RAB44: variants seen among roughly 807,000 people sequenced by gnomAD.
RAB44 encodes the protein ras-related protein Rab-44.
A neutral mutation model predicts 93.3 loss-of-function variants in RAB44; 67 were observed. The ratio of observed to expected loss-of-function variants is 0.72; its 90% confidence interval spans 0.59 to 0.88. The LOEUF is 0.88. Among genes scored for constraint, RAB44 ranks in the 40% least tolerant of loss-of-function variants. The pLI is 0.00. For missense variants in RAB44, 1,064 were observed against 1,261.7 expected, an observed-to-expected ratio of 0.84 and a Z score of 2.37; for synonymous variants, 427 against 520.3, an observed-to-expected ratio of 0.82 and a Z score of 2.44.
intron 12 of RAB44, 104 bp downstream of exon 12, chr6:36,728,905 C>A: frequency 1.1e-6 from 1 of 936,980 alleles, no homozygotes. Context: ...GAGAAGAACC[C>A]GTGGCCCATT....
intron 9 of RAB44, among the ~76,000 whole-genome samples, chr6:36,723,034 C>T (rs1763138025): frequency 6.6e-6 from 1 of 152,268 alleles, no homozygotes; most frequent in African/African-American, 2.4e-5. Context: ...CAAGTATCCA[C>T]TCATGTGGCC....
At chr6:36,712,336 A>G (rs1459014718) in intron 2 of RAB44, among the ~76,000 whole-genome samples, 2 of 152,150 alleles carry the variant, frequency 1.3e-5, no homozygotes, top group Non-Finnish European at 2.9e-5. Context: ...GATCTCAAAG[A>G]GCTGTTCTCC....
In RAB44 at chr6:36,731,770, C is replaced by T. The variant is rs775842027; in HGVS notation, c.2976-233C>T. The stretch of plus-strand genomic sequence containing the variant: ...CACTACTCAAGGGAGGGAATGGTGG[C>T]TTCTTTGTCATAGTCAGAGTCCTGC... On this transcript the variant is annotated intron_variant, in intron 13 of 13. Transcript: ENST00000612677. The surrounding 1 kb of genome is among the most constrained non-coding windows in gnomAD (Gnocchi z 4.0). 6.6e-6 allele frequency among the ~76,000 whole-genome samples: 1 copy of T among 152,202 alleles called. No individual in the cohort carries two copies. Among genetic ancestry groups the T allele is most frequent in the Non-Finnish European group, 1.5e-5 (1 of 68,038 alleles).
intron 8 of RAB44, among the ~76,000 whole-genome samples, chr6:36,720,901 G>A (rs1763058437): frequency 6.6e-6 from 1 of 152,228 alleles, no homozygotes; most frequent in East Asian, 1.9e-4. Context: ...TCAGAGAAGT[G>A]GGATGGGCCA....
At chr6:36,713,983 T>C in intron 3 of RAB44, 44 bp downstream of exon 3, 2 of 1,263,514 alleles carry the variant, frequency 1.6e-6, no homozygotes, top group Middle Eastern at 1.8e-4. Context: ...AGGTGTTCCG[T>C]GCAGTGTGCC....
rs959495747 is a variant in RAB44, at chr6:36,727,662, C to T, written c.2767C>T (p.His923Tyr). The change falls in exon 11 of 14, where the codon CAC (histidine) becomes TAC (tyrosine). Residue 923 changes from histidine (H) to tyrosine (Y), a missense_variant. Physicochemically the swap from His to Tyr is moderately conservative, Grantham distance 83. Transcript: ENST00000612677. ...CATCACCTCCCAGGAGAGCTTTGCC[C>T]ACGTGCGCTACTGGCTAGACTGTCT... ...YDITSQESFAHVRYWLDCLQD... is the reference protein window; with the variant it reads ...YDITSQESFAYVRYWLDCLQD... 1.9e-6 allele frequency: 3 copies of T among 1,550,506 alleles called. No individual in the cohort carries two copies. Among genetic ancestry groups the T allele is most frequent in the Admixed American group, 3.9e-5 (2 of 51,008 alleles).
At chr6:36,709,098 C>T (rs923385169) in intron 2 of RAB44, among the ~76,000 whole-genome samples, 4 of 152,066 alleles carry the variant, frequency 2.6e-5, no homozygotes, top group African/African-American at 9.7e-5. Flanking sequence ...GCGCCTGCCA[C>T]CACCTCTGGC....
At chr6:36,701,961 G>A (rs554283448) in intron 1 of RAB44, among the ~76,000 whole-genome samples, 7 of 152,282 alleles carry the variant, frequency 4.6e-5, no homozygotes, top group Non-Finnish European at 8.8e-5. Flanking sequence ...GGATTGCAGC[G>A]GGCCTGCTTA....
intron 1 of RAB44, among the ~76,000 whole-genome samples, chr6:36,702,920 T>C (rs115143337): frequency 0.078 from 11,816 of 152,264 alleles, 1,228 homozygotes; most frequent in African/African-American, 0.24. Context: ...ACTTGAGCAC[T>C]TGACATGTGC....
chr6:36,703,894 G>A (rs536513506), intron 1 of RAB44, among the ~76,000 whole-genome samples: 22 of 152,170 alleles, frequency 1.4e-4, no homozygotes, highest in African/African-American at 4.1e-4. Context: ...TAGATTCTGC[G>A]TGCGGTGAAT....
Position 36,722,432 on chromosome 6 carries a change from C to A in RAB44, c.2298C>A (p.Pro766=). 7.0e-7 allele frequency: 1 copy of A among 1,434,520 alleles called. No homozygotes were observed. Among genetic ancestry groups the A allele is most frequent in the Non-Finnish European group, 9.1e-7 (1 of 1,098,158 alleles). 88.9% of individuals were successfully genotyped at this position (1,434,520 alleles called of 1,614,324 possible). ...AGPQEPTQTP[P]TMAEQEAQPR... Reference sequence around the variant, plus strand: ...CCCAGGAACCCACGCAAACCCCTCCCACCATGGCTGAGCAGGAAGCCCAAC... The same window carrying A: ...CCCAGGAACCCACGCAAACCCCTCCAACCATGGCTGAGCAGGAAGCCCAAC... The change falls in exon 9 of 14, where the codon CCC becomes CCA. Residue 766 remains proline (P), a synonymous_variant. Transcript: ENST00000612677.
In RAB44 at chr6:36,722,321, G is replaced by A; in HGVS notation, c.2187G>A (p.Val729=). The A allele has an allele frequency of 7.5e-7, 1 of 1,336,490 alleles. No homozygotes were observed. Among genetic ancestry groups the A allele is most frequent in the Non-Finnish European group, 9.6e-7 (1 of 1,045,408 alleles). 82.8% of individuals were successfully genotyped at this position (1,336,490 alleles called of 1,614,324 possible). Residue 729 remains valine, a synonymous_variant, in exon 9 of 14, where the codon GTG becomes GTA. Coordinates refer to ENST00000612677, the MANE Select transcript of RAB44 (RefSeq NM_001257357.2). ...CATCTGCCACACCACAGGCTCAGGT[G>A]GAAGCAGAAGGCCCCACTCCTGGAA... ...SLPSATPQAQ[V]EAEGPTPGKS...
chr6:36,717,388 G>C lies in RAB44; in HGVS notation c.610G>C (p.Asp204His). The change falls in exon 5 of 14, where the codon GAC becomes CAC. Residue 204 changes from aspartate (D) to histidine (H), a missense_variant. Physicochemically the swap from Asp to His is moderately conservative, Grantham distance 81. Coordinates refer to ENST00000612677, the MANE Select transcript of RAB44 (RefSeq NM_001257357.2). The surrounding 1 kb of genome is among the most constrained non-coding windows in gnomAD (Gnocchi z 4.1). ...CAGCCGCCTGCAGGAGGCCCAGGCG[G>C]ACAAGGAGGCCCTGGAGCTGACCCT... ...MTSRLQEAQA[D>H]KEALELTLRK... The C allele has an allele frequency of 8.1e-7, 1 of 1,232,288 alleles. No homozygotes were observed. The highest frequency in any genetic ancestry group is 1.0e-6 in the Non-Finnish European group (1 of 988,066). The allele number at this position is 1,232,288 out of a possible 1,614,324, so 76.3% of individuals were successfully genotyped here.
chr6:36,703,976 G>A (rs1163755887), intron 1 of RAB44, among the ~76,000 whole-genome samples: 1 of 152,220 alleles, frequency 6.6e-6, no homozygotes, highest in African/African-American at 2.4e-5. Flanking sequence ...AGGGCAGGTG[G>A]GTAGCTTGGA....
chr6:36,697,980 C>A (rs1194057989), intron 1 of RAB44, 65 bp downstream of exon 1: 4 of 152,260 alleles, frequency 2.6e-5, no homozygotes, highest in Admixed American at 2.6e-4. Flanking sequence ...GGGGAGGGAG[C>A]TGGGGTCCCT....
Position 36,721,728 on chromosome 6 carries a change from C to G in RAB44, c.1594C>G (p.Pro532Ala). Residue 532 changes from proline to alanine, a missense_variant, in exon 9 of 14, where the codon CCT (proline) becomes GCT (alanine). Pro to Ala is a conservative substitution (Grantham distance 27, BLOSUM62 -1). Transcript: ENST00000612677. ...GGCCTCAGACCCAGATGACAAGGGCCCTGGGTCTTGGGCTCCTCCCAGCGG... is the reference window on the plus strand; with the variant it reads ...GGCCTCAGACCCAGATGACAAGGGCGCTGGGTCTTGGGCTCCTCCCAGCGG... ...IQASDPDDKG[P>A]GSWAPPSGAQ... 8.1e-7 allele frequency: 1 copy of G among 1,234,410 alleles called. No individual in the cohort carries two copies. Among genetic ancestry groups the G allele is most frequent in the Non-Finnish European group, 1.0e-6 (1 of 988,224 alleles). The allele number at this position is 1,234,410 out of a possible 1,614,324, so 76.5% of individuals were successfully genotyped here. A position where few individuals can be genotyped will look rare whatever the true frequency, so the allele number is the denominator to read the frequency against.
intron 12 of RAB44, among the ~76,000 whole-genome samples, chr6:36,730,145 T>C (rs1763326927): frequency 6.6e-6 from 1 of 152,164 alleles, no homozygotes. Flanking sequence ...ATTGCTGATA[T>C]TTGACTGGAG....
chr6:36,718,049 C>A lies in RAB44; in HGVS notation c.663C>A (p.Arg221=). ...TLRKRDSDHH[R]EVQQLYEEME... is the part of the protein sequence containing the mutation. ...CCAGGCGTGACTCTGACCACCACCG[C>A]GAGGTCCAGCAGCTCTATGAGGAGA... The change falls in exon 6 of 14, where the codon CGC becomes CGA. Residue 221 remains arginine (R), a synonymous_variant. Coordinates refer to ENST00000612677, the MANE Select transcript of RAB44 (RefSeq NM_001257357.2). 8.1e-7 allele frequency: 1 copy of A among 1,232,186 alleles called. No homozygotes were observed. The highest frequency in any genetic ancestry group is 1.5e-5 in the African/African-American group (1 of 64,536). 76.3% of individuals were successfully genotyped at this position (1,232,186 alleles called of 1,614,324 possible).
At chr6:36,728,550 G>A in intron 11 of RAB44, 150 bp from the exon 12 acceptor site, 6 of 643,560 alleles carry the variant, frequency 9.3e-6, no homozygotes, top group South Asian at 9.0e-5. Context: ...GAGGAAGGAT[G>A]GGGGAAAGGG....
Sources: allele counts gnomAD v4.1 joint callset (sites outside exome capture counted in the v4.1 genomes callset), GRCh38; gene constraint gnomAD v4.1.1; non-coding constraint Gnocchi (gnomAD v3.1); transcripts MANE v1.5; gene names NCBI Gene and HGNC (gene_info 2026-07-23, HGNC 2026-07-21).